SGCZ: variants seen among roughly 807,000 people sequenced by gnomAD.
SGCZ encodes sarcoglycan zeta, also known as zeta-sarcoglycan.
In SGCZ, 40 loss-of-function variants were observed where a neutral mutation model predicts 41.3. That is an observed-to-expected ratio of 0.97 (90% confidence interval 0.75 to 1.26). The LOEUF is 1.26. SGCZ is among the 50% of genes most tolerant of loss of function. The pLI, the probability that SGCZ is intolerant of heterozygous loss-of-function variation, is 0.00. For missense variants in SGCZ, 552 were observed against 369.8 expected (o/e 1.49, Z -4.04); for synonymous variants, 206 against 137.5 (o/e 1.50, Z -3.49).
At chr8:14,717,581 G>A (rs60432380) in intron 1 of SGCZ, among the ~76,000 whole-genome samples, 26,798 of 152,024 alleles carry the variant, frequency 0.18, 2,801 homozygotes, top group East Asian at 0.31. Context: ...AGCTTCATGG[G>A]TATGCAAACT....
intron 1 of SGCZ, among the ~76,000 whole-genome samples, chr8:15,091,229 C>G (rs992344159): frequency 3.9e-5 from 6 of 152,036 alleles, no homozygotes; most frequent in African/African-American, 1.4e-4. Flanking sequence ...TTATGTTGCC[C>G]AGGCTGGCCT....
At chr8:14,586,404 G>A (rs1167379803) in intron 1 of SGCZ, among the ~76,000 whole-genome samples, 1 of 152,082 alleles carries the variant, frequency 6.6e-6, no homozygotes, top group East Asian at 1.9e-4. Context: ...AATAGAGACA[G>A]GGTTTTTCCA....
intron 1 of SGCZ, among the ~76,000 whole-genome samples, chr8:14,905,576 C>A (rs4831315): frequency 2.0e-5 from 3 of 151,736 alleles, no homozygotes; most frequent in African/African-American, 4.8e-5. Flanking sequence ...CAAAGTGCAC[C>A]AGAGAAAAAT....
chr8:14,774,748 C>T (rs1283454261), intron 1 of SGCZ, among the ~76,000 whole-genome samples: 5 of 152,136 alleles, frequency 3.3e-5, no homozygotes, highest in Non-Finnish European at 5.9e-5. Context: ...TTCATTAGCA[C>T]GAAGGCAATA....
At chr8:14,358,964 C>T (rs966078250) in intron 2 of SGCZ, among the ~76,000 whole-genome samples, 11 of 152,132 alleles carry the variant, frequency 7.2e-5, no homozygotes, top group Admixed American at 3.3e-4. Context: ...TAGTAACCAA[C>T]TTTGGACCTG....
intron 1 of SGCZ, among the ~76,000 whole-genome samples, chr8:14,691,824 T>C (rs1299801710): frequency 1.3e-5 from 2 of 151,962 alleles, no homozygotes; most frequent in Non-Finnish European, 2.9e-5. Context: ...TCAAACTTAA[T>C]ATAAGAAAAC....
At chr8:14,854,403 C>G (rs914230873) in intron 1 of SGCZ, among the ~76,000 whole-genome samples, 3 of 151,954 alleles carry the variant, frequency 2.0e-5, no homozygotes, top group Non-Finnish European at 4.4e-5. Flanking sequence ...CAACATTGTT[C>G]CACAACATAT....
At chr8:15,152,353 GAA>G (rs749976587) in intron 1 of SGCZ, among the ~76,000 whole-genome samples, 16 of 152,328 alleles carry the variant, frequency 1.1e-4, no homozygotes, top group Non-Finnish European at 2.4e-4. Context: ...CTTAGGCTTA[GAA>G]AGAAGGCAGT....
chr8:14,949,241 T>C (rs1800551465), intron 1 of SGCZ, among the ~76,000 whole-genome samples: 1 of 152,166 alleles, frequency 6.6e-6, no homozygotes, highest in African/African-American at 2.4e-5. Context: ...ATGATAATAG[T>C]AGCTATAAAA....
chr8:14,090,895 A>C (rs996110167), intron 7 of SGCZ, among the ~76,000 whole-genome samples: 3 of 152,052 alleles, frequency 2.0e-5, no homozygotes, highest in Non-Finnish European at 4.4e-5. Context: ...CAATACGCTT[A>C]AGGGGCCAAC....
At chr8:14,871,148 C>T (rs999528631) in intron 1 of SGCZ, among the ~76,000 whole-genome samples, 6 of 151,698 alleles carry the variant, frequency 4.0e-5, no homozygotes, top group East Asian at 2.0e-4. Context: ...CAGAGGTTAA[C>T]GTGAGCCAAG....
chr8:14,168,830 T>G (rs534061435), intron 4 of SGCZ, among the ~76,000 whole-genome samples: 195 of 152,322 alleles, frequency 1.3e-3, no homozygotes, highest in African/African-American at 4.4e-3. Context: ...TTCTTTACTT[T>G]GTCCCTAGAT....
intron 1 of SGCZ, among the ~76,000 whole-genome samples, chr8:15,208,889 C>CTCTACATA (rs1171920005): frequency 9.3e-4 from 54 of 58,354 alleles, no homozygotes; most frequent in South Asian, 8.6e-3. Context: ...ACACATATCC[C>CTCTACATA]TATACATATA....
At chr8:14,844,324 C>G (rs995493499) in intron 1 of SGCZ, among the ~76,000 whole-genome samples, 2 of 152,108 alleles carry the variant, frequency 1.3e-5, no homozygotes, top group African/African-American at 2.4e-5. Context: ...TCTTTTCTTT[C>G]CCTAATTATT....
At chr8:14,365,372 G>C (rs1350064505) in intron 2 of SGCZ, among the ~76,000 whole-genome samples, 1 of 151,716 alleles carries the variant, frequency 6.6e-6, no homozygotes, top group Non-Finnish European at 1.5e-5. Flanking sequence ...TTTATTCATT[G>C]AACAATGCCT....
At chr8:14,752,044 A>G (rs1799515004) in intron 1 of SGCZ, among the ~76,000 whole-genome samples, 1 of 151,416 alleles carries the variant, frequency 6.6e-6, no homozygotes. Flanking sequence ...TGAAGAGAGA[A>G]TTCAACCACA....
chr8:15,174,131 C>T (rs924214157), intron 1 of SGCZ, among the ~76,000 whole-genome samples: 7 of 152,166 alleles, frequency 4.6e-5, no homozygotes, highest in South Asian at 2.1e-4. Flanking sequence ...TAGTTCAAAA[C>T]ATCATGGGAA....
At chr8:14,438,282 AT>A (rs1352991341) in intron 2 of SGCZ, among the ~76,000 whole-genome samples, 1 of 152,036 alleles carries the variant, frequency 6.6e-6, no homozygotes, top group Non-Finnish European at 1.5e-5. Flanking sequence ...TATATTCATA[AT>A]TTTAGAAGAA....
At chr8:14,832,277 G>T (rs192708293) in intron 1 of SGCZ, among the ~76,000 whole-genome samples, 1 of 152,022 alleles carries the variant, frequency 6.6e-6, no homozygotes, top group Non-Finnish European at 1.5e-5. Flanking sequence ...CTATTATGTG[G>T]TTGACCATGA....
Sources: allele counts gnomAD v4.1 joint callset (sites outside exome capture counted in the v4.1 genomes callset), GRCh38; gene constraint gnomAD v4.1.1; transcripts MANE v1.5; gene names NCBI Gene and HGNC (gene_info 2026-07-23, HGNC 2026-07-21).